The following GARNL3 variants were observed in gnomAD, a reference collection of about 807,000 sequenced individuals.
GARNL3 encodes the protein GTPase-activating Rap/Ran-GAP domain-like protein 3.
Under a neutral mutation model 125.0 loss-of-function variants are expected in GARNL3, and 63 were observed. The ratio of observed to expected loss-of-function variants is 0.50; its 90% confidence interval spans 0.41 to 0.62. The LOEUF is 0.62. GARNL3 is among the 20% of genes least tolerant of loss of function. The probability of loss-of-function intolerance (pLI) is 0.00; values close to 1 mark genes in which losing one functional copy is unlikely to be tolerated. For missense variants in GARNL3, 994 were observed against 1,244.0 expected (o/e 0.80, Z 3.02); for synonymous variants, 439 against 457.5 (o/e 0.96, Z 0.52).
exon 2 of GARNL3, chr9:127,243,121 G>C (rs113212991): frequency 7.3e-7 from 1 of 1,364,818 alleles, no homozygotes; most frequent in Non-Finnish European, 9.8e-7. Context: ...ACCCGTTAAC[G>C]AAGGTGCCTT....
chr9:127,300,767 A>T, intron 2 of GARNL3: 1 of 368,744 alleles, frequency 2.7e-6, no homozygotes, highest in Non-Finnish European at 5.2e-6. Context: ...ATTTGGGTAA[A>T]TTTTCTACAG....
At chr9:127,247,550 T>C (rs1053768816) in intron 2 of GARNL3, among the ~76,000 whole-genome samples, 23 of 152,238 alleles carry the variant, frequency 1.5e-4, no homozygotes, top group African/African-American at 5.5e-4. Flanking sequence ...AAAGTTGCCA[T>C]GTGTTTGAGT....
chr9:127,281,200 TC>T (rs1421758248), intron 1 of GARNL3, among the ~76,000 whole-genome samples: 5 of 151,966 alleles, frequency 3.3e-5, no homozygotes, highest in African/African-American at 1.2e-4. Flanking sequence ...GTAAGGTAGG[TC>T]CCATGATGCC....
intron 1 of GARNL3, among the ~76,000 whole-genome samples, chr9:127,236,584 C>T (rs1184055284): frequency 6.6e-6 from 1 of 152,214 alleles, no homozygotes; most frequent in African/African-American, 2.4e-5. Context: ...ACCTCAGCCT[C>T]CTGAGTAACT....
In GARNL3 at chr9:127,393,495, G is replaced by T; in HGVS notation, c.*241G>T. ...TAATAAAGGTGGTAGATTTCATTGA[G>T]GTTTTAGATTGAAACTTTGAATAAA... On this transcript the variant is annotated 3_prime_UTR_variant, in exon 28 of 28. Coordinates refer to ENST00000373387, the MANE Select transcript of GARNL3 (RefSeq NM_032293.5). 6.3e-6 allele frequency: 2 copies of T among 316,580 alleles called. No homozygotes were observed. The highest frequency in any genetic ancestry group is 1.4e-4 in the South Asian group (1 of 7,088). 19.6% of individuals were successfully genotyped at this position (316,580 alleles called of 1,614,324 possible). A position where few individuals can be genotyped will look rare whatever the true frequency, so the allele number is the denominator to read the frequency against.
At chr9:127,264,126 CTT>C (rs2063651054), upstream of GARNL3, 2 of 610,980 alleles carry the variant, frequency 3.3e-6, no homozygotes, top group Non-Finnish European at 5.4e-6. Context: ...TAGAATCAAA[CTT>C]ATTAAAACTG....
chr9:127,269,183 A>G (rs1246843801), intron 1 of GARNL3, among the ~76,000 whole-genome samples: 1 of 152,124 alleles, frequency 6.6e-6, no homozygotes, highest in Admixed American at 6.5e-5. Context: ...GACTTTTAGT[A>G]GAGACAAGGT....
chr9:127,328,948 C>T (rs1450807420), intron 7 of GARNL3, among the ~76,000 whole-genome samples: 4 of 152,172 alleles, frequency 2.6e-5, no homozygotes, highest in Non-Finnish European at 5.9e-5. Context: ...AAAACCAGTA[C>T]CTGTGAATTC....
chr9:127,251,343 G>A (rs2063399067), intron 2 of GARNL3, among the ~76,000 whole-genome samples: 1 of 148,984 alleles, frequency 6.7e-6, no homozygotes, highest in Non-Finnish European at 1.5e-5. Context: ...TTTCTTTGAA[G>A]AACATCCCCC....
chr9:127,368,933 A>G (rs1420866279), intron 22 of GARNL3: 1 of 151,990 alleles, frequency 6.6e-6, no homozygotes, highest in African/African-American at 2.4e-5. Context: ...AGACTGTCAA[A>G]ACAAAACAAA....
At chr9:127,225,963 C>G (rs1015058935) in intron 1 of GARNL3, among the ~76,000 whole-genome samples, 1 of 152,326 alleles carries the variant, frequency 6.6e-6, no homozygotes, top group Admixed American at 6.5e-5. Context: ...CTCAGCTTCC[C>G]TGGCAGTCCC....
intron 22 of GARNL3, among the ~76,000 whole-genome samples, chr9:127,378,142 A>G (rs1370059090): frequency 2.0e-5 from 3 of 151,820 alleles, no homozygotes; most frequent in Admixed American, 6.6e-5. Context: ...TCAGGAGGCC[A>G]AGGCACAAGA....
At position 127,280,628 on chromosome 9, in the gene GARNL3, G is replaced by T. The variant is rs539017783; in HGVS notation, c.145-10540G>T. Among the ~76,000 whole-genome samples, 2 of 152,192 alleles carry T rather than the reference G, an allele frequency of 1.3e-5. No individual in the cohort carries two copies. The highest frequency in any genetic ancestry group is 6.5e-5 in the Admixed American group (1 of 15,278). The stretch of plus-strand genomic sequence containing the variant: ...TAGAAAATGTCTTGATATTTTGGAC[G>T]TAGAATTGCCAATCATTCCTTCTTA... On this transcript the variant is annotated intron_variant, in intron 1 of 27. Transcript: ENST00000373387. The surrounding 1 kb of genome is among the most constrained non-coding windows in gnomAD (Gnocchi z 4.5).
At chr9:127,367,534 A>G (rs1487460141) in intron 22 of GARNL3, 2 of 152,230 alleles carry the variant, frequency 1.3e-5, no homozygotes, top group Non-Finnish European at 2.9e-5. Context: ...AAATAGTATA[A>G]ATTGTTCAAT....
In GARNL3 at chr9:127,392,012, C is replaced by T. The variant is rs927820220; in HGVS notation, c.2871-1071C>T. Among the ~76,000 whole-genome samples the T allele has an allele frequency of 6.6e-6, 1 of 152,214 alleles. No homozygotes were observed. The highest frequency in any genetic ancestry group is 2.4e-5 in the African/African-American group (1 of 41,456). ...TAAGATATGGAAAGGACTAAGCCCC[C>T]ACCTGTGCCTTCAAGGGGTTCCCAG... On this transcript the variant is annotated intron_variant, in intron 27 of 27. Coordinates refer to ENST00000373387, the MANE Select transcript of GARNL3 (RefSeq NM_032293.5). This position sits in a 1 kb window ranked among gnomAD's most constrained non-coding sequence, Gnocchi z 5.2.
rs62578844 is a variant in GARNL3 at position 127,325,229 on chromosome 9, C to A, written c.594+134C>A. 3.5e-4 allele frequency: 272 copies of A among 770,764 alleles called. 2 individuals carry two copies. The East Asian group carries it at 7.3e-3, about 21-fold the overall frequency. 47.7% of individuals were successfully genotyped at this position (770,764 alleles called of 1,614,324 possible). ...GATTTGCACAGTGGGACACATTGCGCGGAAAGAACTTACTGGCATGTATTT... is the reference window on the plus strand; with the variant it reads ...GATTTGCACAGTGGGACACATTGCGAGGAAAGAACTTACTGGCATGTATTT... On this transcript the variant is annotated intron_variant, in intron 7 of 27. Transcript: ENST00000373387.
intron 1 of GARNL3, among the ~76,000 whole-genome samples, chr9:127,290,717 A>G (rs1315677773): frequency 6.6e-6 from 1 of 152,178 alleles, no homozygotes; most frequent in African/African-American, 2.4e-5. Context: ...GAAACTGTTT[A>G]AAACTGAATG....
chr9:127,235,846 T>C (rs942036396), intron 1 of GARNL3, among the ~76,000 whole-genome samples: 1 of 152,254 alleles, frequency 6.6e-6, no homozygotes, highest in African/African-American at 2.4e-5. Flanking sequence ...GAGGAGATGA[T>C]TGGAAACAAC....
chr9:127,275,313 T>C (rs2063926973), intron 1 of GARNL3, among the ~76,000 whole-genome samples: 1 of 152,210 alleles, frequency 6.6e-6, no homozygotes, highest in Non-Finnish European at 1.5e-5. Context: ...TGCCAATCTT[T>C]CCCCACATGG....
Sources: allele counts gnomAD v4.1 joint callset (sites outside exome capture counted in the v4.1 genomes callset), GRCh38; gene constraint gnomAD v4.1.1; non-coding constraint Gnocchi (gnomAD v3.1); transcripts MANE v1.5; gene names NCBI Gene and HGNC (gene_info 2026-07-23, HGNC 2026-07-21).